MGST1: variants seen among roughly 807,000 people sequenced by gnomAD.
MGST1 encodes microsomal glutathione S-transferase 1, also known as glutathione S-transferase 12.
In MGST1, 5 loss-of-function variants were observed where a neutral mutation model predicts 8.9. The observed-to-expected ratio is 0.56, with a 90% CI of 0.29 to 1.19. The LOEUF (loss-of-function observed/expected upper bound fraction) is 1.19, where lower values mean the gene tolerates loss of function less well. Ranked by LOEUF, MGST1 falls within the 50% of genes most tolerant of loss-of-function variation. The pLI, the probability that MGST1 is intolerant of heterozygous loss-of-function variation, is 0.08. For synonymous variants in MGST1, 54 were observed against 67.8 expected, an observed-to-expected ratio of 0.80 and a Z score of 1.00; for missense variants, 182 against 187.4, an observed-to-expected ratio of 0.97 and a Z score of 0.17.
intron 1 of MGST1, among the ~76,000 whole-genome samples, chr12:16,398,161 T>A (rs527719966): frequency 1.3e-5 from 2 of 152,142 alleles, no homozygotes; most frequent in East Asian, 3.9e-4. Flanking sequence ...CAAGTCTTAC[T>A]GCTAAGGAGA....
chr12:16,574,114 T>C lies in MGST1; in HGVS notation n.483-15414T>C, dbSNP rs188289563. On this transcript the variant is annotated intron_variant and non_coding_transcript_variant, in intron 4 of 4. Transcript: ENST00000538857. ...AAAACCAACCTTCCTCCACCTACTC[T>C]GCCGATTTGCTCCATTATAAAAATG... Among the ~76,000 whole-genome samples, 67 of 152,198 alleles carry C rather than the reference T, an allele frequency of 4.4e-4. 1 individual carries two copies. Among genetic ancestry groups the C allele is most frequent in the African/African-American group, 1.6e-3 (66 of 41,506 alleles).
chr12:16,484,726 G>A (rs1402533602), intron 4 of MGST1, among the ~76,000 whole-genome samples: 2 of 152,140 alleles, frequency 1.3e-5, no homozygotes, highest in Non-Finnish European at 2.9e-5. Flanking sequence ...AGAACAGCAA[G>A]GGGGAAACCA....
chr12:16,494,058 G>A (rs75644062), intron 4 of MGST1, among the ~76,000 whole-genome samples: 19 of 152,136 alleles, frequency 1.2e-4, no homozygotes, highest in South Asian at 2.1e-4. Context: ...ATACTGTGTC[G>A]TCAAGGTAAA....
At chr12:16,372,009 C>T (rs1320752031) in intron 3 of MGST1, among the ~76,000 whole-genome samples, 1 of 151,872 alleles carries the variant, frequency 6.6e-6, no homozygotes, top group African/African-American at 2.4e-5. Flanking sequence ...AGACCTCTAT[C>T]TCTTGCCATA....
Position 16,516,252 on chromosome 12 carries a change from G to T in MGST1, n.483-73276G>T, listed in dbSNP as rs1207704598. 3.9e-5 allele frequency among the ~76,000 whole-genome samples: 6 copies of T among 152,238 alleles called. No individual in the cohort carries two copies. In the East Asian group the frequency reaches 9.7e-4, roughly 25 times the overall value. On this transcript the variant is annotated intron_variant and non_coding_transcript_variant, in intron 4 of 4. Transcript: ENST00000538857. The stretch of plus-strand genomic sequence containing the variant: ...CTTTTACATCCTAGCTCAAGCTATT[G>T]TTACTTTAACCCACTATATTTTCTG...
chr12:16,503,645 G>A lies in MGST1; in HGVS notation n.483-85883G>A, dbSNP rs531549565. 2.0e-5 allele frequency among the ~76,000 whole-genome samples: 3 copies of A among 152,200 alleles called. No homozygotes were observed. In the South Asian group the frequency reaches 6.2e-4, roughly 32 times the overall value. On this transcript the variant is annotated intron_variant and non_coding_transcript_variant, in intron 4 of 4. Transcript: ENST00000538857. The surrounding 1 kb of genome is among the most constrained non-coding windows in gnomAD (Gnocchi z 4.8). ...GGCTTGAACCCCAGACCGAAAGGAG[G>A]GCTAGTTGAAATAGGGATAGGGTGG...
Position 16,419,065 on chromosome 12 carries a change from C to T in MGST1, n.779-18323C>T, listed in dbSNP as rs530614363. Among the ~76,000 whole-genome samples, 8 of 152,254 alleles carry T rather than the reference C, an allele frequency of 5.3e-5. No individual in the cohort carries two copies. In the South Asian group the frequency reaches 1.7e-3, roughly 32 times the overall value. ...GAAATTAGGCTTCTCCATGGCTTTTCAGCACTACCTAAATTGGAGCCACTT... is the reference window on the plus strand; with the variant it reads ...GAAATTAGGCTTCTCCATGGCTTTTTAGCACTACCTAAATTGGAGCCACTT... On this transcript the variant is annotated intron_variant and non_coding_transcript_variant, in intron 1 of 1. Coordinates refer to the MGST1 transcript ENST00000359720.
chr12:16,513,451 C>A lies in MGST1; in HGVS notation n.483-76077C>A. Reference sequence around the variant, plus strand: ...GGATCGCCGCCGCCTTCCACCCGGGCTCGCCTCTGATGCCCCTGCCAGAGC... The same window carrying A: ...GGATCGCCGCCGCCTTCCACCCGGGATCGCCTCTGATGCCCCTGCCAGAGC... On this transcript the variant is annotated intron_variant and non_coding_transcript_variant, in intron 4 of 4. Transcript: ENST00000538857. The surrounding 1 kb of genome is among the most constrained non-coding windows in gnomAD (Gnocchi z 4.2). The A allele has an allele frequency of 2.4e-6, 1 of 414,512 alleles. No homozygotes were observed. Among genetic ancestry groups the A allele is most frequent in the Admixed American group, 3.1e-5 (1 of 32,128 alleles). The allele number at this position is 414,512 out of a possible 1,614,324, so 25.7% of individuals were successfully genotyped here.
chr12:16,381,792 G>C (rs1310583375), downstream of MGST1, among the ~76,000 whole-genome samples: 4 of 152,046 alleles, frequency 2.6e-5, no homozygotes, highest in East Asian at 3.9e-4. Context: ...TGTAGATTTG[G>C]TCTTTTCACA....
At chr12:16,411,537 A>G (rs1163617372) in intron 1 of MGST1, among the ~76,000 whole-genome samples, 1 of 152,168 alleles carries the variant, frequency 6.6e-6, no homozygotes, top group Non-Finnish European at 1.5e-5. Context: ...CTTTAATAAT[A>G]TACGATGATT....
intron 4 of MGST1, among the ~76,000 whole-genome samples, chr12:16,536,179 C>T (rs1032364146): frequency 6.6e-6 from 1 of 151,412 alleles, no homozygotes; most frequent in Non-Finnish European, 1.5e-5. Context: ...AGCTGTTTCT[C>T]TTATTAGGAA....
At chr12:16,353,939 T>C (rs1418942301) in intron 1 of MGST1, among the ~76,000 whole-genome samples, 1 of 152,042 alleles carries the variant, frequency 6.6e-6, no homozygotes, top group East Asian at 1.9e-4. Context: ...TTTGTATTTT[T>C]AGTAGAGATG....
rs1174845186 is a variant in MGST1 at position 16,350,004 on chromosome 12, A to G, written c.-23+2294A>G. Among the ~76,000 whole-genome samples, 3 of 152,126 alleles carry G rather than the reference A, an allele frequency of 2.0e-5. No homozygotes were observed. The East Asian group carries it at 5.8e-4, about 29-fold the overall frequency. Reference sequence around the variant, plus strand: ...CGTGATCTGCCCGCCTCCGGCTCCCAAAGTGCTGGGATTACAGGCATGAGC... The same window carrying G: ...CGTGATCTGCCCGCCTCCGGCTCCCGAAGTGCTGGGATTACAGGCATGAGC... On this transcript the variant is annotated intron_variant, in intron 1 of 3. Transcript: ENST00000396210.
At chr12:16,463,715 G>A (rs1314369266) in intron 4 of MGST1, among the ~76,000 whole-genome samples, 3 of 151,498 alleles carry the variant, frequency 2.0e-5, no homozygotes, top group African/African-American at 7.3e-5. Context: ...TATGAATATT[G>A]AGCCTTTACA....
intron 4 of MGST1, among the ~76,000 whole-genome samples, chr12:16,533,863 T>G (rs761103491): frequency 5.3e-5 from 8 of 152,142 alleles, no homozygotes; most frequent in Non-Finnish European, 1.0e-4. Context: ...AGAAGGTACC[T>G]GGCAGGTGAG....
intron 4 of MGST1, chr12:16,574,026 T>TC (rs1024894721): frequency 6.6e-6 from 1 of 151,972 alleles, no homozygotes; most frequent in Non-Finnish European, 1.5e-5. Flanking sequence ...CTTCTCCGCT[T>TC]CCCCGCTTCC....
At chr12:16,483,400 T>G (rs1300652248) in intron 4 of MGST1, among the ~76,000 whole-genome samples, 1 of 152,012 alleles carries the variant, frequency 6.6e-6, no homozygotes, top group Non-Finnish European at 1.5e-5. Flanking sequence ...ACATGCAACT[T>G]CCAACCAACG....
chr12:16,391,607 T>C (rs1940553983), intron 1 of MGST1, among the ~76,000 whole-genome samples: 1 of 152,220 alleles, frequency 6.6e-6, no homozygotes, highest in African/African-American at 2.4e-5. Context: ...TGTTTTTCTC[T>C]TGTAAATTTA....
chr12:16,562,156 A>C (rs1942430357), intron 4 of MGST1, among the ~76,000 whole-genome samples: 2 of 152,152 alleles, frequency 1.3e-5, no homozygotes, highest in Non-Finnish European at 2.9e-5. Flanking sequence ...ATCACCAACT[A>C]AAGCTTTCAT....
Sources: gnomAD v4.1 joint callset for allele counts (sites outside exome capture counted in the v4.1 genomes callset) on GRCh38, gnomAD v4.1.1 for gene constraint, Gnocchi (gnomAD v3.1) non-coding constraint, MANE v1.5 for transcripts, NCBI Gene and HGNC (gene_info 2026-07-23, HGNC 2026-07-21) for gene names.